Variants in GRM7 observed in about 807,000 individuals in gnomAD.
GRM7 encodes metabotropic glutamate receptor 7.
A neutral mutation model predicts 84.5 loss-of-function variants in GRM7; 35 were observed. The observed-to-expected ratio is 0.41, with a 90% CI of 0.32 to 0.55. The LOEUF (loss-of-function observed/expected upper bound fraction) is 0.55. Among genes scored for constraint, GRM7 ranks in the 20% least tolerant of loss-of-function variants. The pLI is 0.19. For synonymous variants in GRM7, 487 were observed against 455.1 expected, an observed-to-expected ratio of 1.07 and a Z score of -0.89; for missense variants, 1,003 against 1,194.6, an observed-to-expected ratio of 0.84 and a Z score of 2.36.
intron 1 of GRM7, among the ~76,000 whole-genome samples, chr3:7,007,372 C>G (rs1199456943): frequency 6.6e-6 from 1 of 152,086 alleles, no homozygotes; most frequent in East Asian, 1.9e-4. Context: ...TTTTTTTGGC[C>G]TTCAAGATCT....
chr3:7,694,436 C>A, intron 9 of GRM7: 3 of 936,162 alleles, frequency 3.2e-6, no homozygotes, highest in Non-Finnish European at 3.8e-6. Flanking sequence ...CTGTACCACA[C>A]ATAATAAAGT....
intron 1 of GRM7, among the ~76,000 whole-genome samples, chr3:6,937,453 C>A (rs949603088): frequency 6.6e-6 from 1 of 151,820 alleles, no homozygotes; most frequent in East Asian, 1.9e-4. Flanking sequence ...ATCCACTGGC[C>A]CAGTTGTTGT....
chr3:7,288,916 A>G (rs1200135953), intron 2 of GRM7, among the ~76,000 whole-genome samples: 1 of 152,110 alleles, frequency 6.6e-6, no homozygotes, highest in Non-Finnish European at 1.5e-5. Flanking sequence ...TTCTGGATGG[A>G]TCCCACATGG....
chr3:7,740,297 A>C, intron 9 of GRM7, 60 bp from the exon 10 acceptor site: 1 of 1,096,154 alleles, frequency 9.1e-7, no homozygotes, highest in Admixed American at 2.0e-5. Flanking sequence ...TTCTAATTCT[A>C]TTTCTACCTT....
intron 1 of GRM7, among the ~76,000 whole-genome samples, chr3:7,017,909 G>T (rs1276292522): frequency 6.6e-6 from 1 of 152,158 alleles, no homozygotes; most frequent in Non-Finnish European, 1.5e-5. Flanking sequence ...CTATTGTCCT[G>T]GTAGACTTAC....
intron 8 of GRM7, among the ~76,000 whole-genome samples, chr3:7,611,703 A>T (rs1696853101): frequency 6.6e-6 from 1 of 152,138 alleles, no homozygotes. Context: ...AACTGGGAGC[A>T]TTGTAGAAAT....
intron 5 of GRM7, among the ~76,000 whole-genome samples, chr3:7,436,789 C>T (rs2124861976): frequency 6.6e-6 from 1 of 152,300 alleles, no homozygotes; most frequent in South Asian, 2.1e-4. Context: ...TGCCTATGAA[C>T]TTTGCAGTCA....
chr3:7,303,907 T>G (rs1425216015), intron 3 of GRM7, among the ~76,000 whole-genome samples: 1 of 151,560 alleles, frequency 6.6e-6, no homozygotes, highest in Non-Finnish European at 1.5e-5. Context: ...TATTTCCTCA[T>G]TTTGCTGGAG....
chr3:7,229,443 TAGC>T (rs943755502), intron 2 of GRM7, among the ~76,000 whole-genome samples: 15 of 151,728 alleles, frequency 9.9e-5, no homozygotes, highest in African/African-American at 3.6e-4. Context: ...TACCTAGAAG[TAGC>T]AGAAGGGGAC....
intron 1 of GRM7, among the ~76,000 whole-genome samples, chr3:7,028,163 C>G (rs1356259948): frequency 2.0e-5 from 3 of 152,152 alleles, no homozygotes; most frequent in Non-Finnish European, 2.9e-5. Flanking sequence ...TGCAGAGCAA[C>G]CCTAAGTGGA....
At chr3:7,365,628 C>T (rs183588970) in intron 4 of GRM7, among the ~76,000 whole-genome samples, 2 of 135,574 alleles carry the variant, frequency 1.5e-5, no homozygotes, top group African/African-American at 5.9e-5. Context: ...ATTTAATATG[C>T]ATGTGTGTGT....
chr3:7,149,703 A>T (rs1479589109), intron 2 of GRM7, among the ~76,000 whole-genome samples: 1 of 152,190 alleles, frequency 6.6e-6, no homozygotes, highest in African/African-American at 2.4e-5. Flanking sequence ...CAATTTTGAC[A>T]CATGCTTTAA....
Position 6,928,382 on chromosome 3 carries a change from C to A in GRM7, c.519+66475C>A, listed in dbSNP as rs1306716264. The stretch of plus-strand genomic sequence containing the variant: ...CAGGAAGGTGGCAATGTTACTCACA[C>A]AGTGAATTTGCATTGATATTCGATA... On this transcript the variant is annotated intron_variant, in intron 1 of 9. Coordinates refer to ENST00000357716, the MANE Select transcript of GRM7 (RefSeq NM_000844.4). This position sits in a 1 kb window ranked among gnomAD's most constrained non-coding sequence, Gnocchi z 4.5. Among the ~76,000 whole-genome samples, 1 of 152,110 alleles carries A rather than the reference C, an allele frequency of 6.6e-6. No homozygotes were observed. Among genetic ancestry groups the A allele is most frequent in the African/African-American group, 2.4e-5 (1 of 41,434 alleles).
At chr3:7,213,621 C>T (rs973098045) in intron 2 of GRM7, among the ~76,000 whole-genome samples, 3 of 152,082 alleles carry the variant, frequency 2.0e-5, no homozygotes, top group Non-Finnish European at 4.4e-5. Context: ...GAGGGAATGG[C>T]GGGAACAGGA....
At chr3:7,407,073 G>T (rs1285972734) in intron 4 of GRM7, among the ~76,000 whole-genome samples, 3 of 152,188 alleles carry the variant, frequency 2.0e-5, no homozygotes, top group Non-Finnish European at 4.4e-5. Flanking sequence ...TGGAAGTAAT[G>T]TTGTAATACC....
chr3:6,997,845 G>A (rs1237065056), intron 1 of GRM7, among the ~76,000 whole-genome samples: 4 of 151,958 alleles, frequency 2.6e-5, no homozygotes, highest in Admixed American at 6.6e-5. Flanking sequence ...CCAAAAGCAA[G>A]TTAGGGCCAG....
chr3:7,735,177 T>G (rs1702462835), intron 9 of GRM7, among the ~76,000 whole-genome samples: 1 of 151,820 alleles, frequency 6.6e-6, no homozygotes, highest in South Asian at 2.1e-4. Flanking sequence ...GTTGGCAGAG[T>G]TGGTGGGGGA....
intron 7 of GRM7, among the ~76,000 whole-genome samples, chr3:7,516,669 T>C (rs373551460): frequency 1.3e-5 from 2 of 151,948 alleles, no homozygotes; most frequent in Non-Finnish European, 2.9e-5. Context: ...AGCTGGAGCA[T>C]TGAATGGCAT....
intron 2 of GRM7, among the ~76,000 whole-genome samples, chr3:7,242,778 G>T (rs1279311527): frequency 6.6e-6 from 1 of 152,110 alleles, no homozygotes; most frequent in Non-Finnish European, 1.5e-5. Context: ...CTATTCCAGA[G>T]CTGTGTGTTA....
Sources: gnomAD v4.1 joint callset for allele counts (sites outside exome capture counted in the v4.1 genomes callset) on GRCh38, gnomAD v4.1.1 for gene constraint, Gnocchi (gnomAD v3.1) non-coding constraint, MANE v1.5 for transcripts, NCBI Gene and HGNC (gene_info 2026-07-23, HGNC 2026-07-21) for gene names.